The following PAPOLG variants were observed in gnomAD, a reference collection of about 807,000 sequenced individuals.
PAPOLG encodes the protein poly(A) polymerase gamma, also known as PAP-gamma.
In PAPOLG, 40 loss-of-function variants were observed where a neutral mutation model predicts 99.0. The ratio of observed to expected loss-of-function variants is 0.40; its 90% confidence interval spans 0.31 to 0.53. PAPOLG has a LOEUF of 0.53. Ranked by LOEUF, PAPOLG falls within the 20% of genes least tolerant of loss-of-function variation. PAPOLG has a pLI of 0.41. For missense variants in PAPOLG, 675 were observed against 884.1 expected (o/e 0.76, Z 3.00); for synonymous variants, 310 against 299.3 (o/e 1.04, Z -0.37).
Position 60,781,511 on chromosome 2 carries a change from C to T in PAPOLG, c.907-374C>T, listed in dbSNP as rs114783014. On this transcript the variant is annotated intron_variant, in intron 10 of 21. Transcript: ENST00000238714. ...TTGCTTTTAGAGTGAGTGCTCATTC[C>T]TCTAGGTAACCAAGGGGAAGTCATC... Among the ~76,000 whole-genome samples the T allele has an allele frequency of 5.4e-3, 815 of 152,236 alleles. 3 individuals carry two copies. The highest frequency in any genetic ancestry group is 9.2e-3 in the Non-Finnish European group (627 of 68,014).
chr2:60,770,670 C>A (rs996273927), intron 6 of PAPOLG, among the ~76,000 whole-genome samples, 159 bp downstream of exon 6: 1 of 151,160 alleles, frequency 6.6e-6, no homozygotes, highest in South Asian at 2.1e-4. Context: ...ATGGCCAAGG[C>A]TGGAGTATAG....
At chr2:60,773,534 CTTG>C (rs1384097764) in intron 7 of PAPOLG, among the ~76,000 whole-genome samples, 8 of 152,030 alleles carry the variant, frequency 5.3e-5, no homozygotes, top group South Asian at 2.1e-4. Flanking sequence ...TCATATCAAA[CTTG>C]TTGTATTCTG....
intron 15 of PAPOLG, among the ~76,000 whole-genome samples, chr2:60,789,213 G>A (rs1241402311): frequency 6.6e-6 from 1 of 152,034 alleles, no homozygotes; most frequent in Non-Finnish European, 1.5e-5. Flanking sequence ...GCTTTAGGAA[G>A]TACACCTTAT....
intron 7 of PAPOLG, among the ~76,000 whole-genome samples, chr2:60,773,682 A>C (rs949673340): frequency 7.0e-6 from 1 of 143,098 alleles, no homozygotes; most frequent in African/African-American, 2.7e-5. Context: ...ATGTTAATAC[A>C]CATTTCACTA....
chr2:60,757,818 T>A (rs946418114), intron 1 of PAPOLG, among the ~76,000 whole-genome samples: 3 of 152,212 alleles, frequency 2.0e-5, no homozygotes, highest in African/African-American at 7.2e-5. Flanking sequence ...GAAGGGAATG[T>A]GGGATTCTGT....
intron 17 of PAPOLG, among the ~76,000 whole-genome samples, chr2:60,793,124 G>A (rs1336992750): frequency 6.7e-6 from 1 of 150,078 alleles, no homozygotes; most frequent in African/African-American, 2.5e-5. Context: ...AGAATAGCTT[G>A]AGCCCGGAAG....
chr2:60,756,307 G>T lies in PAPOLG; in HGVS notation c.-172G>T. 2.6e-6 allele frequency: 2 copies of T among 768,616 alleles called. No homozygotes were observed. The highest frequency in any genetic ancestry group is 3.1e-5 in the South Asian group (2 of 64,838). The allele number at this position is 768,616 out of a possible 1,614,324, so 47.6% of individuals were successfully genotyped here. A position where few individuals can be genotyped will look rare whatever the true frequency, so the allele number is the denominator to read the frequency against. ...CGCTGTATTGTCATAAATAGAGCCGGTTTTGTGGTGTTTTCACTACTCGGT... is the reference window on the plus strand; with the variant it reads ...CGCTGTATTGTCATAAATAGAGCCGTTTTTGTGGTGTTTTCACTACTCGGT... On this transcript the variant is annotated 5_prime_UTR_variant, in exon 1 of 22. Coordinates refer to ENST00000238714, the MANE Select transcript of PAPOLG (RefSeq NM_022894.4).
chr2:60,760,369 C>G, intron 2 of PAPOLG, 74 bp downstream of exon 2: 1 of 1,364,314 alleles, frequency 7.3e-7, no homozygotes, highest in South Asian at 1.3e-5. Flanking sequence ...TATTGAATAC[C>G]TACTGTGTCT....
In PAPOLG at chr2:60,798,409, A is replaced by G. The variant is rs1671773056; in HGVS notation, c.*1249A>G. 6.5e-6 allele frequency: 1 copy of G among 152,792 alleles called. No individual in the cohort carries two copies. Among genetic ancestry groups the G allele is most frequent in the Non-Finnish European group, 1.5e-5 (1 of 68,046 alleles). The allele number at this position is 152,792 out of a possible 1,614,324, so 9.5% of individuals were successfully genotyped here. On this transcript the variant is annotated 3_prime_UTR_variant, in exon 22 of 22. Coordinates refer to ENST00000238714, the MANE Select transcript of PAPOLG (RefSeq NM_022894.4). Reference sequence around the variant, plus strand: ...TGTAAATGAAGTCGTATGTATTTTCAGAGTATTTTTGTATGTACTGTAAGA... The same window carrying G: ...TGTAAATGAAGTCGTATGTATTTTCGGAGTATTTTTGTATGTACTGTAAGA...
intron 7 of PAPOLG, among the ~76,000 whole-genome samples, chr2:60,773,809 T>C (rs944066232): frequency 6.6e-6 from 1 of 152,200 alleles, no homozygotes; most frequent in Non-Finnish European, 1.5e-5. Context: ...AGATTTAACT[T>C]GAAAGCTTAA....
intron 3 of PAPOLG, among the ~76,000 whole-genome samples, chr2:60,762,693 C>G (rs1248950577): frequency 6.6e-6 from 1 of 151,870 alleles, no homozygotes; most frequent in African/African-American, 2.4e-5. Context: ...GTGGTGCAAT[C>G]TTGGCTCAGT....
Position 60,756,278 on chromosome 2 carries a change from G to T in PAPOLG, c.-201G>T. The T allele has an allele frequency of 1.6e-6, 1 of 638,656 alleles. No homozygotes were observed. The highest frequency in any genetic ancestry group is 2.8e-6 in the Non-Finnish European group (1 of 360,248). 39.6% of individuals were successfully genotyped at this position (638,656 alleles called of 1,614,324 possible). A position where few individuals can be genotyped will look rare whatever the true frequency, so the allele number is the denominator to read the frequency against. On this transcript the variant is annotated 5_prime_UTR_variant, in exon 1 of 22. Transcript: ENST00000238714. ...GGGAAGCGGCGCCATATTGGCGTCGGCCGCGCTGTATTGTCATAAATAGAG... is the reference window on the plus strand; with the variant it reads ...GGGAAGCGGCGCCATATTGGCGTCGTCCGCGCTGTATTGTCATAAATAGAG...
intron 8 of PAPOLG, among the ~76,000 whole-genome samples, chr2:60,776,417 C>CTTT: frequency 8.2e-6 from 1 of 121,532 alleles, no homozygotes; most frequent in Admixed American, 8.1e-5. Flanking sequence ...GCATTGGCTT[C>CTTT]ATTTTTTTTT....
intron 1 of PAPOLG, among the ~76,000 whole-genome samples, chr2:60,757,777 G>T (rs1214036452): frequency 6.6e-6 from 1 of 152,140 alleles, no homozygotes; most frequent in Non-Finnish European, 1.5e-5. Flanking sequence ...ATTTCTCTAG[G>T]TTGTTTGCCT....
At chr2:60,780,495 C>T (rs1443574558) in intron 9 of PAPOLG, among the ~76,000 whole-genome samples, 3 of 152,098 alleles carry the variant, frequency 2.0e-5, no homozygotes, top group Admixed American at 6.5e-5. Flanking sequence ...AGGATGGTCT[C>T]GAACTCCTGA....
rs919592809 is a variant in PAPOLG, at chr2:60,795,068, A to G, written c.2112+48A>G. On this transcript the variant is annotated intron_variant, in intron 21 of 21. Coordinates refer to ENST00000238714, the MANE Select transcript of PAPOLG (RefSeq NM_022894.4). ...AGGTACAGTACATAGGTAAAAACTC[A>G]TAGGTAATCTACAAGTACAAAAGGC... The G allele has an allele frequency of 8.8e-6, 13 of 1,471,224 alleles. 1 individual carries two copies. Among genetic ancestry groups the G allele is most frequent in the South Asian group, 3.5e-5 (3 of 85,686 alleles). 91.1% of individuals were successfully genotyped at this position (1,471,224 alleles called of 1,614,324 possible). A position where few individuals can be genotyped will look rare whatever the true frequency, so the allele number is the denominator to read the frequency against.
intron 13 of PAPOLG, among the ~76,000 whole-genome samples, chr2:60,785,534 A>ATT (rs879362994): frequency 6.8e-6 from 1 of 146,310 alleles, no homozygotes; most frequent in African/African-American, 2.5e-5. Flanking sequence ...CTTAGGATTT[A>ATT]TTTTTTTTTT....
rs1459092952 is a variant in PAPOLG, at chr2:60,801,972, T to C, written c.*4812T>C. 6.6e-6 allele frequency: 1 copy of C among 152,350 alleles called. No homozygotes were observed. The allele number at this position is 152,350 out of a possible 1,614,324, so 9.4% of individuals were successfully genotyped here. A position where few individuals can be genotyped will look rare whatever the true frequency, so the allele number is the denominator to read the frequency against. On this transcript the variant is annotated 3_prime_UTR_variant, in exon 22 of 22. Coordinates refer to ENST00000238714, the MANE Select transcript of PAPOLG (RefSeq NM_022894.4). ...GTTCCTTTCTAGCTAGCTGTTTGTG[T>C]AGTTCATATTAATTTACCCTGCCTT...
chr2:60,793,715 A>C lies in PAPOLG; in HGVS notation c.1768A>C (p.Lys590Gln). ...QGLSIPVIGAKVDSTVKTVSP... is the reference protein window; with the variant it reads ...QGLSIPVIGAQVDSTVKTVSP... Reference sequence around the variant, plus strand: ...ACTTTCCATTCCAGTGATTGGCGCAAGTAGGTATCTAAACTTGTATATATT... The same window carrying C: ...ACTTTCCATTCCAGTGATTGGCGCACGTAGGTATCTAAACTTGTATATATT... Residue 590 changes from lysine (K) to glutamine (Q), a missense_variant and splice_region_variant, in exon 18 of 22, where the codon AAA (lysine) becomes CAA (glutamine). Lys to Gln is a moderately conservative substitution (Grantham distance 53). This residue lies in a region of PAPOLG where 413 missense variants were observed against 460.5 expected (regional missense o/e 0.90). Transcript: ENST00000238714. 6.2e-7 allele frequency: 1 copy of C among 1,612,612 alleles called. No homozygotes were observed. The highest frequency in any genetic ancestry group is 8.5e-7 in the Non-Finnish European group (1 of 1,179,130).
Sources: gnomAD v4.1 joint callset for allele counts (sites outside exome capture counted in the v4.1 genomes callset) on GRCh38, gnomAD v4.1.1 for gene constraint, gnomAD v4.1.1 regional missense constraint, MANE v1.5 for transcripts, NCBI Gene and HGNC (gene_info 2026-07-23, HGNC 2026-07-21) for gene names.